The following CACNB2 variants were observed in gnomAD, a reference collection of about 807,000 sequenced individuals.
CACNB2 encodes the protein calcium voltage-gated channel auxiliary subunit beta 2, also known as voltage-dependent L-type calcium channel subunit beta-2.
A neutral mutation model predicts 73.3 loss-of-function variants in CACNB2; 42 were observed. That is an observed-to-expected ratio of 0.57 (90% CI 0.45 to 0.74). The LOEUF (loss-of-function observed/expected upper bound fraction) is 0.74. Ranked by LOEUF, CACNB2 falls within the 30% of genes least tolerant of loss-of-function variation. The pLI is 0.00. For synonymous variants in CACNB2, 348 were observed against 310.3 expected, an observed-to-expected ratio of 1.12 and a Z score of -1.28; for missense variants, 940 against 853.0, an observed-to-expected ratio of 1.10 and a Z score of -1.27.
intron 3 of CACNB2, among the ~76,000 whole-genome samples, chr10:18,408,794 C>A (rs545986169): frequency 4.6e-5 from 7 of 152,162 alleles, no homozygotes; most frequent in Admixed American, 6.5e-5. Flanking sequence ...AGATTATGGA[C>A]GCAAATTTTT....
intron 2 of CACNB2, among the ~76,000 whole-genome samples, chr10:18,298,369 CAA>C (rs60553121): frequency 7.7e-6 from 1 of 129,622 alleles, no homozygotes; most frequent in Non-Finnish European, 1.7e-5. Context: ...AACTCTGTCT[CAA>C]AAAAAAAAAA....
intron 2 of CACNB2, among the ~76,000 whole-genome samples, chr10:18,205,389 G>A (rs1466256878): frequency 3.9e-5 from 6 of 152,164 alleles, no homozygotes; most frequent in Admixed American, 3.9e-4. Context: ...ACTCGTAAAT[G>A]GTAGCTGTTA....
rs565967403 is a variant in CACNB2, at chr10:18,207,986, T to G, written c.213+57011T>G. On this transcript the variant is annotated intron_variant, in intron 2 of 13. Coordinates refer to ENST00000324631, the MANE Select transcript of CACNB2 (RefSeq NM_201596.3). ...AGTTGACATATGTATGCTTTGTATGTGCTGCTTTTAAAAAATCTCAAGTTT... is the reference window on the plus strand; with the variant it reads ...AGTTGACATATGTATGCTTTGTATGGGCTGCTTTTAAAAAATCTCAAGTTT... 1.1e-4 allele frequency among the ~76,000 whole-genome samples: 16 copies of G among 152,364 alleles called. No individual in the cohort carries two copies. The South Asian group carries it at 3.3e-3, about 32-fold the overall frequency.
In CACNB2 at chr10:18,542,689, T is replaced by C. The variant is rs1367071101; in HGVS notation, c.*2965T>C. On this transcript the variant is annotated 3_prime_UTR_variant, in exon 14 of 14. Coordinates refer to ENST00000324631, the MANE Select transcript of CACNB2 (RefSeq NM_201596.3). ...GAGCCGCTATATGTGAAAAACTGTA[T>C]AGTGGACATATGTGTAAACTGTGTA... 1.3e-5 allele frequency: 2 copies of C among 152,140 alleles called. No individual in the cohort carries two copies. The highest frequency in any genetic ancestry group is 4.8e-5 in the African/African-American group (2 of 41,434). 9.4% of individuals were successfully genotyped at this position (152,140 alleles called of 1,614,324 possible).
intron 2 of CACNB2, among the ~76,000 whole-genome samples, chr10:18,371,565 G>C (rs2042585024): frequency 6.6e-6 from 1 of 152,150 alleles, no homozygotes; most frequent in Admixed American, 6.6e-5. Context: ...GTATTCTATG[G>C]TGTATATGTG....
intron 2 of CACNB2, among the ~76,000 whole-genome samples, chr10:18,204,469 T>C (rs894033209): frequency 2.6e-5 from 4 of 152,226 alleles, no homozygotes; most frequent in African/African-American, 9.6e-5. Context: ...GAAATCTTGC[T>C]CTAATTGACA....
intron 3 of CACNB2, among the ~76,000 whole-genome samples, chr10:18,465,901 G>A (rs1006417378): frequency 1.6e-4 from 24 of 152,088 alleles, no homozygotes; most frequent in South Asian, 8.3e-4. Flanking sequence ...GGCTGCTCTC[G>A]AACTCCTGAC....
chr10:18,349,511 G>A (rs1475893320), intron 2 of CACNB2, among the ~76,000 whole-genome samples: 8 of 152,060 alleles, frequency 5.3e-5, no homozygotes, highest in Admixed American at 2.6e-4. Context: ...TTCCATTCCA[G>A]CAGCATAAAC....
At chr10:18,396,527 G>A (rs1033762288) in intron 2 of CACNB2, among the ~76,000 whole-genome samples, 3 of 152,028 alleles carry the variant, frequency 2.0e-5, no homozygotes, top group Admixed American at 1.3e-4. Context: ...CTGGAGTGCA[G>A]TGGCACAGTC....
chr10:18,222,984 A>G (rs1326718171), intron 2 of CACNB2, among the ~76,000 whole-genome samples: 1 of 152,160 alleles, frequency 6.6e-6, no homozygotes, highest in Non-Finnish European at 1.5e-5. Flanking sequence ...GTAAGCTTTC[A>G]TTCCTTTGTT....
At chr10:18,500,008 C>A (rs548060416) in intron 4 of CACNB2, among the ~76,000 whole-genome samples, 59 of 152,026 alleles carry the variant, frequency 3.9e-4, no homozygotes, top group Non-Finnish European at 7.6e-4. Context: ...TTAGAGCCTA[C>A]CATTTTGGTA....
intron 3 of CACNB2, among the ~76,000 whole-genome samples, chr10:18,412,609 A>G (rs922194818): frequency 1.3e-5 from 2 of 152,116 alleles, no homozygotes; most frequent in African/African-American, 2.4e-5. Context: ...GCAAACTTCA[A>G]TTTGTTTTTC....
At chr10:18,221,474 T>C (rs2035790320) in intron 2 of CACNB2, among the ~76,000 whole-genome samples, 1 of 151,770 alleles carries the variant, frequency 6.6e-6, no homozygotes, top group Non-Finnish European at 1.5e-5. Flanking sequence ...AGGCCAGGAG[T>C]TCGAGACCAG....
intron 2 of CACNB2, among the ~76,000 whole-genome samples, chr10:18,195,721 G>A (rs185837831): frequency 6.6e-6 from 1 of 152,288 alleles, no homozygotes; most frequent in Admixed American, 6.5e-5. Flanking sequence ...GTTGATAAGT[G>A]GTGGGGCTCA....
intron 2 of CACNB2, among the ~76,000 whole-genome samples, chr10:18,236,956 G>A (rs539107497): frequency 6.6e-6 from 1 of 152,338 alleles, no homozygotes; most frequent in South Asian, 2.1e-4. Context: ...AGAGAATTAT[G>A]TTCATTCATG....
At chr10:18,448,025 TC>T (rs1446529771) in intron 3 of CACNB2, among the ~76,000 whole-genome samples, 2 of 152,138 alleles carry the variant, frequency 1.3e-5, no homozygotes, top group African/African-American at 4.8e-5. Flanking sequence ...AGGGTCTTGC[TC>T]TGTTGCCCAG....
intron 2 of CACNB2, among the ~76,000 whole-genome samples, chr10:18,227,015 A>G (rs1485242103): frequency 6.6e-6 from 1 of 152,204 alleles, no homozygotes; most frequent in Non-Finnish European, 1.5e-5. Flanking sequence ...TTCTTCACCC[A>G]TAGCTCTGAG....
chr10:18,479,047 G>T (rs1332672677), intron 3 of CACNB2, among the ~76,000 whole-genome samples: 5 of 151,830 alleles, frequency 3.3e-5, no homozygotes, highest in African/African-American at 1.2e-4. Context: ...GACAAAGTGA[G>T]ACCCCGTATC....
In CACNB2 at chr10:18,212,653, T is replaced by C. The variant is rs1468499744; in HGVS notation, c.213+61678T>C. On this transcript the variant is annotated intron_variant, in intron 2 of 13. Coordinates refer to ENST00000324631, the MANE Select transcript of CACNB2 (RefSeq NM_201596.3). Reference sequence around the variant, plus strand: ...GAAGGAGGAATCTAATTTTAAGTTTTCTATTTGGATAAGGAATTATTCCAG... The same window carrying C: ...GAAGGAGGAATCTAATTTTAAGTTTCCTATTTGGATAAGGAATTATTCCAG... 2.6e-5 allele frequency among the ~76,000 whole-genome samples: 4 copies of C among 152,216 alleles called. No homozygotes were observed. In the East Asian group the frequency reaches 5.8e-4, roughly 22 times the overall value.
Sources: allele counts gnomAD v4.1 joint callset (sites outside exome capture counted in the v4.1 genomes callset), GRCh38; gene constraint gnomAD v4.1.1; transcripts MANE v1.5; gene names NCBI Gene and HGNC (gene_info 2026-07-23, HGNC 2026-07-21).